Variants in AUTS2 observed in about 807,000 individuals in gnomAD.
AUTS2 encodes activator of transcription and developmental regulator AUTS2, also known as autism susceptibility gene 2 protein.
Under a neutral mutation model 112.4 loss-of-function variants are expected in AUTS2, and 17 were observed. The observed-to-expected ratio is 0.15, with a 90% CI of 0.10 to 0.23. The LOEUF (loss-of-function observed/expected upper bound fraction) is 0.23. Among genes scored for constraint, AUTS2 ranks in the 10% least tolerant of loss-of-function variants. The pLI is 1.00. For synonymous variants in AUTS2, 751 were observed against 702.7 expected (o/e 1.07, Z -1.09); for missense variants, 1,510 against 1,701.6 (o/e 0.89, Z 1.98).
intron 1 of AUTS2, among the ~76,000 whole-genome samples, chr7:69,775,141 A>T (rs1197573442): frequency 6.6e-6 from 1 of 152,188 alleles, no homozygotes; most frequent in East Asian, 1.9e-4. Context: ...GCTGGGTTAT[A>T]AAAAAACTGT....
At chr7:69,741,246 T>C (rs1235554221) in intron 1 of AUTS2, among the ~76,000 whole-genome samples, 2 of 152,144 alleles carry the variant, frequency 1.3e-5, no homozygotes, top group African/African-American at 4.8e-5. Flanking sequence ...GCAAATAGGC[T>C]TGGGAACTTG....
chr7:69,659,288 A>G (rs1032801369), intron 1 of AUTS2, among the ~76,000 whole-genome samples: 1 of 152,186 alleles, frequency 6.6e-6, no homozygotes, highest in Non-Finnish European at 1.5e-5. Context: ...GAGCAGAGAA[A>G]CAAGGGTCTA....
intron 1 of AUTS2, among the ~76,000 whole-genome samples, chr7:69,871,192 A>C (rs1336418342): frequency 2.6e-5 from 4 of 152,204 alleles, no homozygotes; most frequent in Non-Finnish European, 5.9e-5. Context: ...TGGCTAATAC[A>C]GGGAAGTAAT....
chr7:70,413,693 T>C (rs1282745029), intron 4 of AUTS2, among the ~76,000 whole-genome samples: 1 of 135,560 alleles, frequency 7.4e-6, no homozygotes, highest in African/African-American at 2.7e-5. Flanking sequence ...GTTTTGTTTT[T>C]TTGAGACAGG....
intron 5 of AUTS2, among the ~76,000 whole-genome samples, chr7:70,600,172 A>G (rs1803405362): frequency 6.6e-6 from 1 of 152,146 alleles, no homozygotes; most frequent in South Asian, 2.1e-4. Context: ...TTTGTTTTCT[A>G]ATTGTTATTG....
chr7:69,863,622 C>T (rs1793088712), intron 1 of AUTS2, among the ~76,000 whole-genome samples: 1 of 152,164 alleles, frequency 6.6e-6, no homozygotes, highest in African/African-American at 2.4e-5. Flanking sequence ...AGAAACCATG[C>T]CCCCAGTAAT....
At chr7:70,673,221 TCAGAAAGTCACTTGCTGAC>T (rs2129544283) in intron 5 of AUTS2, among the ~76,000 whole-genome samples, 1 of 152,210 alleles carries the variant, frequency 6.6e-6, no homozygotes, top group Non-Finnish European at 1.5e-5. Context: ...CAAATTATAA[TCAGAAAGTCACTTGCTGAC>T]CAGGGATTAT....
At chr7:70,692,200 T>C (rs1220193662) in intron 5 of AUTS2, among the ~76,000 whole-genome samples, 2 of 152,152 alleles carry the variant, frequency 1.3e-5, no homozygotes, top group African/African-American at 4.8e-5. Context: ...ATGATAAATG[T>C]CAGAAGTGCC....
At chr7:70,552,214 A>G (rs901035369) in intron 5 of AUTS2, among the ~76,000 whole-genome samples, 1 of 152,112 alleles carries the variant, frequency 6.6e-6, no homozygotes, top group Non-Finnish European at 1.5e-5. Flanking sequence ...TCCACTAGAG[A>G]TGTGCAAGGA....
intron 4 of AUTS2, among the ~76,000 whole-genome samples, chr7:70,302,821 CTCA>C (rs756415387): frequency 2.7e-4 from 41 of 152,018 alleles, no homozygotes; most frequent in East Asian, 9.7e-4. Flanking sequence ...CTAAGCACTT[CTCA>C]TCATGTCCGA....
At chr7:70,013,223 C>G (rs1300051091) in intron 2 of AUTS2, among the ~76,000 whole-genome samples, 2 of 152,156 alleles carry the variant, frequency 1.3e-5, no homozygotes, top group African/African-American at 4.8e-5. Context: ...AGCTTGCTTC[C>G]TTTCCTAAAG....
chr7:70,120,193 A>G (rs745389251), intron 3 of AUTS2: 2 of 152,186 alleles, frequency 1.3e-5, no homozygotes, highest in Non-Finnish European at 2.9e-5. Flanking sequence ...TGCACCTCTC[A>G]TGAAAGTTTG....
At chr7:69,946,956 T>G (rs1385910446) in intron 2 of AUTS2, among the ~76,000 whole-genome samples, 1 of 152,210 alleles carries the variant, frequency 6.6e-6, no homozygotes, top group Non-Finnish European at 1.5e-5. Flanking sequence ...CTGCCAGTTC[T>G]CTCATGTTAG....
At chr7:69,764,057 C>T (rs1391090169) in intron 1 of AUTS2, among the ~76,000 whole-genome samples, 1 of 152,162 alleles carries the variant, frequency 6.6e-6, no homozygotes, top group East Asian at 1.9e-4. Context: ...TGTTTCTTAA[C>T]TGGTGAAGCT....
chr7:70,458,077 T>G (rs1372801520), intron 5 of AUTS2, among the ~76,000 whole-genome samples: 1 of 152,124 alleles, frequency 6.6e-6, no homozygotes, highest in African/African-American at 2.4e-5. Context: ...TTAGTAAACA[T>G]GAGCCCTTGA....
At chr7:70,186,965 G>C (rs1001101666) in intron 4 of AUTS2, among the ~76,000 whole-genome samples, 7 of 152,216 alleles carry the variant, frequency 4.6e-5, no homozygotes, top group African/African-American at 1.7e-4. Context: ...TGAGGCAGCA[G>C]AGGTTAAAGA....
At chr7:70,112,469 C>A (rs1161969542) in intron 2 of AUTS2, among the ~76,000 whole-genome samples, 1 of 151,976 alleles carries the variant, frequency 6.6e-6, no homozygotes, top group Non-Finnish European at 1.5e-5. Flanking sequence ...AGTCAAACTT[C>A]ATTTTTTAAC....
chr7:70,306,990 GT>G lies in AUTS2; in HGVS notation c.661-128761del, dbSNP rs566753077. Among the ~76,000 whole-genome samples the G allele has an allele frequency of 2.3e-3, 353 of 152,130 alleles. 1 individual carries two copies. The highest frequency in any genetic ancestry group is 8.1e-3 in the African/African-American group (337 of 41,498). On this transcript the variant is annotated intron_variant, in intron 4 of 18. Coordinates refer to ENST00000342771, the MANE Select transcript of AUTS2 (RefSeq NM_015570.4). Reference sequence around the variant, plus strand: ...TGAAAGATCGAAAAAGAAAAAATGGGTAAAAATTCTTAGATAACTGTTTTTG... The same window carrying G: ...TGAAAGATCGAAAAAGAAAAAATGGGAAAAATTCTTAGATAACTGTTTTTG...
chr7:70,720,924 C>G (rs779504746), intron 6 of AUTS2, among the ~76,000 whole-genome samples: 2 of 151,904 alleles, frequency 1.3e-5, no homozygotes, highest in Non-Finnish European at 1.5e-5. Flanking sequence ...GTCTTAAACA[C>G]GAGAGATAAG....
Sources: allele counts gnomAD v4.1 joint callset (sites outside exome capture counted in the v4.1 genomes callset), GRCh38; gene constraint gnomAD v4.1.1; transcripts MANE v1.5; gene names NCBI Gene and HGNC (gene_info 2026-07-23, HGNC 2026-07-21).